SCN9A: variants seen among roughly 807,000 people sequenced by gnomAD.
SCN9A encodes the protein sodium voltage-gated channel alpha subunit 9, also known as sodium channel protein type 9 subunit alpha.
Under a neutral mutation model 187.0 loss-of-function variants are expected in SCN9A, and 131 were observed. The observed-to-expected ratio is 0.70, with a 90% CI of 0.61 to 0.81. The LOEUF is 0.81. SCN9A is among the 30% of genes least tolerant of loss of function. The pLI, the probability that SCN9A is intolerant of heterozygous loss-of-function variation, is 0.00. For missense variants in SCN9A, 2,252 were observed against 2,396.6 expected, an observed-to-expected ratio of 0.94 and a Z score of 1.26; for synonymous variants, 809 against 808.6, an observed-to-expected ratio of 1.00 and a Z score of -0.01.
intron 17 of SCN9A, among the ~76,000 whole-genome samples, chr2:166,263,330 C>G (rs1299355435): frequency 1.3e-5 from 2 of 152,118 alleles, no homozygotes; most frequent in South Asian, 4.1e-4. Context: ...TCAGATTTCT[C>G]TCTCAGGATT....
intron 1 of SCN9A, among the ~76,000 whole-genome samples, chr2:166,373,884 G>T (rs1253064294): frequency 1.3e-5 from 2 of 152,098 alleles, no homozygotes; most frequent in Non-Finnish European, 2.9e-5. Context: ...ATAAAAAATA[G>T]ATTTTATTAT....
chr2:166,367,546 T>TA (rs1268791148), intron 1 of SCN9A, among the ~76,000 whole-genome samples: 20 of 152,204 alleles, frequency 1.3e-4, no homozygotes, highest in African/African-American at 4.8e-4. Flanking sequence ...ATTACGGGCG[T>TA]AAGCCACCGC....
At chr2:166,348,244 TA>T (rs35280187) in intron 1 of SCN9A, among the ~76,000 whole-genome samples, 46,104 of 146,976 alleles carry the variant, frequency 0.31, 9,259 homozygotes, top group African/African-American at 0.58. Context: ...CTTCCAACAT[TA>T]AAAAAAAAAA....
chr2:166,293,341 T>C lies in SCN9A; in HGVS notation c.997A>G (p.Ile333Val), dbSNP rs1302914281. Residue 333 changes from isoleucine (I) to valine (V), a missense_variant, in exon 9 of 27, where the codon ATT becomes GTT. By Grantham distance (29) the Ile-to-Val change is conservative. This residue lies in a region of SCN9A where 1,013 missense variants were observed against 997.4 expected (regional missense o/e 1.02). Transcript: ENST00000642356. ...QCPEGYTCVK[I>V]GRNPDYGYTS... ...TAGCCATAATCAGGGTTTCTGCCAA[T>C]TTTCACACAGGTGTACCCCTCTGGA... The C allele has an allele frequency of 6.2e-7, 1 of 1,609,682 alleles. No homozygotes were observed.
chr2:166,328,172 G>C (rs1448952627), intron 1 of SCN9A, among the ~76,000 whole-genome samples: 1 of 152,090 alleles, frequency 6.6e-6, no homozygotes, highest in African/African-American at 2.4e-5. Context: ...AAGGAATTCT[G>C]TGTTTTCATC....
At chr2:166,225,838 C>T (rs1216354817) in intron 24 of SCN9A, among the ~76,000 whole-genome samples, 1 of 152,058 alleles carries the variant, frequency 6.6e-6, no homozygotes, top group Non-Finnish European at 1.5e-5. Context: ...AACCAAGAAA[C>T]ACCTGGGCTA....
intron 2 of SCN9A, among the ~76,000 whole-genome samples, chr2:166,307,891 T>C (rs1698809286): frequency 6.6e-6 from 1 of 152,344 alleles, no homozygotes; most frequent in Non-Finnish European, 1.5e-5. Context: ...CTTATTTTTC[T>C]CCGGTTGGCA....
chr2:166,310,690 G>C lies in SCN9A; in HGVS notation c.258+809C>G, dbSNP rs1157394079. The stretch of plus-strand genomic sequence containing the variant: ...CAACCATTGTGGAAGTCAGTGTGGC[G>C]ATTCCTCAGGGATCTAGAACTAGAA... On this transcript the variant is annotated intron_variant, in intron 2 of 26. Coordinates refer to ENST00000642356, the MANE Select transcript of SCN9A (RefSeq NM_001365536.1). 3.7e-5 allele frequency among the ~76,000 whole-genome samples: 5 copies of C among 134,058 alleles called. No individual in the cohort carries two copies. The East Asian group carries it at 6.2e-4, about 17-fold the overall frequency. 87.9% of individuals were successfully genotyped at this position (134,058 alleles called of 152,430 possible).
intron 21 of SCN9A, among the ~76,000 whole-genome samples, chr2:166,230,656 G>A (rs532484232): frequency 6.6e-6 from 1 of 152,004 alleles, no homozygotes; most frequent in South Asian, 2.1e-4. Flanking sequence ...AGACTTCCCC[G>A]GATAGCCACT....
At chr2:166,297,001 T>C (rs1456922391) in intron 7 of SCN9A, among the ~76,000 whole-genome samples, 1 of 151,150 alleles carries the variant, frequency 6.6e-6, no homozygotes, top group Non-Finnish European at 1.5e-5. Flanking sequence ...ATCGAGACCA[T>C]CCTGGCTAAC....
At position 166,311,620 on chromosome 2, in the gene SCN9A, G is replaced by A; in HGVS notation, c.137C>T (p.Ala46Val). Residue 46 changes from alanine to valine, a missense_variant, in exon 2 of 27, where the codon GCC (alanine) becomes GTC (valine). Around this residue, in one of 7 missense-constraint regions of SCN9A, gnomAD observed 1,013 missense variants for 997.4 expected, o/e 1.02. Coordinates refer to ENST00000642356, the MANE Select transcript of SCN9A (RefSeq NM_001365536.1). ...TTCCAAGTCACTGCTTGGCTTTGGG[G>A]CTTCTTCATCATCATCTTTCTTTTC... ...KEEKKDDDEE[A>V]PKPSSDLEAG... is the part of the protein sequence containing the mutation. 6.2e-7 allele frequency: 1 copy of A among 1,613,166 alleles called. No homozygotes were observed. The highest frequency in any genetic ancestry group is 1.7e-5 in the Admixed American group (1 of 59,922).
intron 1 of SCN9A, among the ~76,000 whole-genome samples, chr2:166,333,717 C>T (rs1356641718): frequency 6.6e-6 from 1 of 152,012 alleles, no homozygotes; most frequent in Non-Finnish European, 1.5e-5. Context: ...CAAAACAGAA[C>T]ATTGTCATGA....
At chr2:166,290,033 A>G (rs1697970575) in intron 9 of SCN9A, among the ~76,000 whole-genome samples, 1 of 152,124 alleles carries the variant, frequency 6.6e-6, no homozygotes, top group South Asian at 2.1e-4. Context: ...ACCTGCATGC[A>G]TTAGGTAGTT....
At chr2:166,308,707 C>A (rs531803128) in intron 2 of SCN9A, among the ~76,000 whole-genome samples, 1 of 151,980 alleles carries the variant, frequency 6.6e-6, no homozygotes, top group East Asian at 1.9e-4. Context: ...CAGAACACAA[C>A]GTCAGGAGAT....
At chr2:166,275,453 A>G (rs1697190620) in intron 16 of SCN9A, among the ~76,000 whole-genome samples, 1 of 151,778 alleles carries the variant, frequency 6.6e-6, no homozygotes, top group Non-Finnish European at 1.5e-5. Flanking sequence ...GCACGGTAGC[A>G]TGCACCTGTA....
intron 17 of SCN9A, among the ~76,000 whole-genome samples, chr2:166,256,282 G>A (rs1696270843): frequency 6.6e-6 from 1 of 150,928 alleles, no homozygotes; most frequent in African/African-American, 2.4e-5. Context: ...CATCTTGAGT[G>A]TAATCACATT....
chr2:166,304,178 A>G, intron 6 of SCN9A, 60 bp downstream of exon 6: 1 of 1,610,878 alleles, frequency 6.2e-7, no homozygotes, highest in Non-Finnish European at 8.5e-7. Flanking sequence ...CGAACAAAGA[A>G]CAACTCCCAA....
intron 1 of SCN9A, among the ~76,000 whole-genome samples, chr2:166,344,763 CA>C (rs1400587992): frequency 6.6e-6 from 1 of 152,112 alleles, no homozygotes; most frequent in East Asian, 1.9e-4. Context: ...AAAAAACAAT[CA>C]AGATACCAAA....
chr2:166,317,305 TGTTTA>T (rs1192705926), intron 1 of SCN9A, among the ~76,000 whole-genome samples: 1 of 152,048 alleles, frequency 6.6e-6, no homozygotes, highest in Admixed American at 6.5e-5. Context: ...ATTCTTGTCA[TGTTTA>T]ATTTACAATT....
Sources: gnomAD v4.1 joint callset for allele counts (sites outside exome capture counted in the v4.1 genomes callset) on GRCh38, gnomAD v4.1.1 for gene constraint, gnomAD v4.1.1 regional missense constraint, MANE v1.5 for transcripts, NCBI Gene and HGNC (gene_info 2026-07-23, HGNC 2026-07-21) for gene names.